The following GPC6 variants were observed in gnomAD, a reference collection of about 807,000 sequenced individuals.
The protein encoded by GPC6 is glypican-6.
A neutral mutation model predicts 55.2 loss-of-function variants in GPC6; 14 were observed. The observed-to-expected ratio is 0.25, with a 90% CI of 0.17 to 0.40. The LOEUF (loss-of-function observed/expected upper bound fraction) is 0.40, where lower values mean the gene tolerates loss of function less well. Ranked by LOEUF, GPC6 falls within the 10% of genes least tolerant of loss-of-function variation. The pLI, the probability that GPC6 is intolerant of heterozygous loss-of-function variation, is 1.00. For missense variants in GPC6, 641 were observed against 708.5 expected (o/e 0.90, Z 1.08); for synonymous variants, 278 against 259.6 (o/e 1.07, Z -0.68).
intron 1 of GPC6, among the ~76,000 whole-genome samples, chr13:93,287,405 C>T (rs892518491): frequency 2.0e-5 from 3 of 152,154 alleles, no homozygotes. Context: ...GAGGCCGATT[C>T]TCGCAGGAGG....
At chr13:94,026,447 C>A (rs904908520) in intron 3 of GPC6, among the ~76,000 whole-genome samples, 2 of 151,568 alleles carry the variant, frequency 1.3e-5, no homozygotes, top group Non-Finnish European at 2.9e-5. Context: ...CCAAGAGGGC[C>A]AAATGATACA....
At chr13:93,435,724 G>T (rs539458248) in intron 1 of GPC6, among the ~76,000 whole-genome samples, 1 of 152,294 alleles carries the variant, frequency 6.6e-6, no homozygotes, top group African/African-American at 2.4e-5. Flanking sequence ...TGCAAGCCCA[G>T]TTGTGAGTGG....
chr13:93,635,589 A>G (rs547329326), intron 2 of GPC6, among the ~76,000 whole-genome samples: 27 of 152,308 alleles, frequency 1.8e-4, no homozygotes, highest in African/African-American at 6.3e-4. Context: ...TAGTTCAAAT[A>G]TTCGCCTTCT....
rs1876538492 is a variant in GPC6, at chr13:94,316,503, G to A, written c.1152+10380G>A. The stretch of plus-strand genomic sequence containing the variant: ...GAGGCCGAGGCGGGCGGATCACGAG[G>A]TCAGGAGATCGAGACCATCCCGGCT... On this transcript the variant is annotated intron_variant, in intron 6 of 8. Transcript: ENST00000377047. Among the ~76,000 whole-genome samples, 4 of 152,022 alleles carry A rather than the reference G, an allele frequency of 2.6e-5. No homozygotes were observed. In the South Asian group the frequency reaches 8.3e-4, roughly 32 times the overall value.
intron 2 of GPC6, among the ~76,000 whole-genome samples, chr13:93,769,519 C>T (rs1054227259): frequency 6.6e-6 from 1 of 152,116 alleles, no homozygotes; most frequent in Non-Finnish European, 1.5e-5. Context: ...CCACAGCTTT[C>T]CCTTCCAAAC....
In GPC6 at chr13:93,884,834, G is replaced by A. The variant is rs554874495; in HGVS notation, c.711+54289G>A. On this transcript the variant is annotated intron_variant, in intron 3 of 8. Transcript: ENST00000377047. ...CTTCAAAAACGGCTGCATTTTGTAT[G>A]TTAGACTTAAAAGAAAGATGTGAAA... Among the ~76,000 whole-genome samples the A allele has an allele frequency of 2.6e-5, 4 of 152,188 alleles. No individual in the cohort carries two copies. In the East Asian group the frequency reaches 5.8e-4, roughly 22 times the overall value.
chr13:93,566,510 AGTT>A (rs1876126467), intron 2 of GPC6, among the ~76,000 whole-genome samples: 1 of 150,294 alleles, frequency 6.7e-6, no homozygotes, highest in South Asian at 2.1e-4. Context: ...TGAAAAATCT[AGTT>A]GTCAAGTTGG....
intron 3 of GPC6, among the ~76,000 whole-genome samples, chr13:94,000,692 A>T (rs890978274): frequency 2.0e-5 from 3 of 152,198 alleles, no homozygotes; most frequent in African/African-American, 7.2e-5. Context: ...AGGTACATGA[A>T]TTCAGTTATT....
chr13:94,362,543 A>G (rs1879105690), intron 6 of GPC6, among the ~76,000 whole-genome samples: 1 of 152,130 alleles, frequency 6.6e-6, no homozygotes, highest in African/African-American at 2.4e-5. Context: ...AAGACTGGTA[A>G]GGGGGTGAAA....
intron 1 of GPC6, among the ~76,000 whole-genome samples, chr13:93,282,534 A>G (rs1411083881): frequency 6.6e-6 from 1 of 151,956 alleles, no homozygotes; most frequent in Non-Finnish European, 1.5e-5. Flanking sequence ...AAAAAAAAAA[A>G]GCTTCTTGCC....
chr13:93,926,194 A>T (rs1877847725), intron 3 of GPC6, among the ~76,000 whole-genome samples: 1 of 152,150 alleles, frequency 6.6e-6, no homozygotes, highest in Admixed American at 6.6e-5. Flanking sequence ...GCAGTGTGAA[A>T]GGGGCCTAGA....
Position 94,257,904 on chromosome 13 carries a change from A to G in GPC6, c.878-28445A>G, listed in dbSNP as rs543697939. On this transcript the variant is annotated intron_variant, in intron 4 of 8. Transcript: ENST00000377047. ...AGAGTGACTTGAACACACCAAATGC[A>G]TATAACCACTACACTTCCTTCCTTA... is the stretch of plus-strand genomic sequence containing the variant. Among the ~76,000 whole-genome samples the G allele has an allele frequency of 1.5e-4, 23 of 152,356 alleles. No homozygotes were observed. The East Asian group carries it at 3.3e-3, about 22-fold the overall frequency.
At chr13:94,370,241 C>G (rs546256954) in intron 6 of GPC6, among the ~76,000 whole-genome samples, 8 of 152,222 alleles carry the variant, frequency 5.3e-5, no homozygotes, top group Non-Finnish European at 1.2e-4. Flanking sequence ...TTTCCCATGA[C>G]AAGAGTTCAG....
At chr13:93,523,003 G>A (rs889388406) in intron 1 of GPC6, among the ~76,000 whole-genome samples, 1 of 103,808 alleles carries the variant, frequency 9.6e-6, no homozygotes. Context: ...CAAAAAGAAA[G>A]AGGGAAAAAA....
chr13:93,836,501 G>T (rs1887736970), intron 3 of GPC6, among the ~76,000 whole-genome samples: 1 of 152,058 alleles, frequency 6.6e-6, no homozygotes, highest in South Asian at 2.1e-4. Context: ...GTGAATGAAA[G>T]TTTTTTTATA....
intron 6 of GPC6, among the ~76,000 whole-genome samples, chr13:94,320,193 G>T (rs144895255): frequency 6.6e-6 from 1 of 152,100 alleles, no homozygotes; most frequent in East Asian, 1.9e-4. Context: ...AGTTTTTAAC[G>T]TCAATGATTT....
chr13:93,288,221 A>T (rs965996271), intron 1 of GPC6, among the ~76,000 whole-genome samples: 1 of 152,172 alleles, frequency 6.6e-6, no homozygotes, highest in Admixed American at 6.5e-5. Flanking sequence ...TGAATATATT[A>T]AAAAATGTTG....
intron 2 of GPC6, among the ~76,000 whole-genome samples, chr13:93,724,147 A>G (rs1883546869): frequency 6.6e-6 from 1 of 151,870 alleles, no homozygotes; most frequent in Non-Finnish European, 1.5e-5. Context: ...TACCGATGGT[A>G]CTGGCCATGC....
intron 6 of GPC6, among the ~76,000 whole-genome samples, chr13:94,344,303 G>A (rs1034413070): frequency 1.3e-5 from 2 of 152,200 alleles, no homozygotes; most frequent in Non-Finnish European, 2.9e-5. Flanking sequence ...AGAATGTTTT[G>A]TTAAGGGGAG....
Sources: allele counts gnomAD v4.1 joint callset (sites outside exome capture counted in the v4.1 genomes callset), GRCh38; gene constraint gnomAD v4.1.1; transcripts MANE v1.5; gene names NCBI Gene and HGNC (gene_info 2026-07-23, HGNC 2026-07-21).